Variants in TTC28 observed in about 807,000 individuals in gnomAD.
The protein encoded by TTC28 is tetratricopeptide repeat domain 28, also known as tetratricopeptide repeat protein 28.
In TTC28, 61 loss-of-function variants were observed where a neutral mutation model predicts 198.0. The ratio of observed to expected loss-of-function variants is 0.31; its 90% CI spans 0.25 to 0.38. The LOEUF (loss-of-function observed/expected upper bound fraction) is 0.38. Among genes scored for constraint, TTC28 ranks in the 10% least tolerant of loss-of-function variants. The pLI is 1.00. For synonymous variants in TTC28, 1,171 were observed against 1,297.8 expected (o/e 0.90, Z 2.10); for missense variants, 2,678 against 3,164.0 (o/e 0.85, Z 3.69).
At chr22:28,620,611 C>G (rs572434995) in intron 2 of TTC28, among the ~76,000 whole-genome samples, 1 of 152,246 alleles carries the variant, frequency 6.6e-6, no homozygotes, top group East Asian at 1.9e-4. Flanking sequence ...ATCCTGAAGA[C>G]AAAGCACAAC....
At chr22:28,570,838 G>A (rs1032991311) in intron 2 of TTC28, among the ~76,000 whole-genome samples, 85 of 152,192 alleles carry the variant, frequency 5.6e-4, no homozygotes, top group African/African-American at 1.8e-3. Context: ...TTGTTGCCTC[G>A]AAAGATCAAG....
chr22:28,196,295 G>C (rs1030747723), intron 5 of TTC28, among the ~76,000 whole-genome samples: 8 of 152,104 alleles, frequency 5.3e-5, no homozygotes, highest in African/African-American at 1.9e-4. Flanking sequence ...TTCAAGATGG[G>C]ATAAAAGACT....
At chr22:28,373,526 T>C (rs1182363868) in intron 2 of TTC28, among the ~76,000 whole-genome samples, 4 of 152,180 alleles carry the variant, frequency 2.6e-5, no homozygotes, top group Non-Finnish European at 4.4e-5. Flanking sequence ...ACTACCACTG[T>C]TCAACATATG....
intron 5 of TTC28, among the ~76,000 whole-genome samples, chr22:28,232,124 C>T (rs1307949899): frequency 6.6e-6 from 1 of 152,188 alleles, no homozygotes; most frequent in Non-Finnish European, 1.5e-5. Flanking sequence ...CCCACCCCTG[C>T]TGAGAGCCAT....
chr22:28,418,613 A>G (rs2047200508), intron 2 of TTC28, among the ~76,000 whole-genome samples: 1 of 152,182 alleles, frequency 6.6e-6, no homozygotes, highest in African/African-American at 2.4e-5. Context: ...TAGAACAGAC[A>G]AAAAAAGAGG....
intron 14 of TTC28, among the ~76,000 whole-genome samples, chr22:28,012,001 G>A (rs1046714644): frequency 6.6e-6 from 1 of 152,198 alleles, no homozygotes; most frequent in Admixed American, 6.5e-5. Flanking sequence ...GCCTCAGAAG[G>A]CCCAAGTGGG....
At chr22:28,190,699 A>G (rs1924649979) in intron 5 of TTC28, among the ~76,000 whole-genome samples, 1 of 152,204 alleles carries the variant, frequency 6.6e-6, no homozygotes, top group Non-Finnish European at 1.5e-5. Flanking sequence ...AAGCCACCTA[A>G]CTGAATAGTG....
At chr22:28,518,236 T>C (rs1051876720) in intron 2 of TTC28, among the ~76,000 whole-genome samples, 1 of 152,204 alleles carries the variant, frequency 6.6e-6, no homozygotes, top group Non-Finnish European at 1.5e-5. Flanking sequence ...TGCATGGGGT[T>C]TGGAGAACTG....
intron 6 of TTC28, among the ~76,000 whole-genome samples, chr22:28,157,294 A>G (rs1053526064): frequency 1.3e-5 from 2 of 152,226 alleles, no homozygotes; most frequent in African/African-American, 4.8e-5. Flanking sequence ...AAGCAATGAG[A>G]TTAAAGCTGT....
chr22:28,676,721 A>T (rs867152609), intron 1 of TTC28, among the ~76,000 whole-genome samples: 4 of 149,378 alleles, frequency 2.7e-5, no homozygotes, highest in Non-Finnish European at 5.9e-5. Flanking sequence ...TTTTATTAGA[A>T]ATAAAAAAAA....
intron 2 of TTC28, among the ~76,000 whole-genome samples, chr22:28,530,770 A>G (rs1380286881): frequency 3.3e-5 from 5 of 152,220 alleles, no homozygotes; most frequent in Admixed American, 6.5e-5. Context: ...TTCTTAAAGA[A>G]AAGAATTTTC....
At chr22:28,428,856 G>T (rs2047392426) in intron 2 of TTC28, among the ~76,000 whole-genome samples, 1 of 151,908 alleles carries the variant, frequency 6.6e-6, no homozygotes, top group Non-Finnish European at 1.5e-5. Context: ...TAGCCAGGAT[G>T]GTCTCGATCT....
chr22:28,170,433 G>A (rs1922549493), intron 5 of TTC28, among the ~76,000 whole-genome samples: 1 of 150,012 alleles, frequency 6.7e-6, no homozygotes, highest in African/African-American at 2.5e-5. Context: ...AGCTTGCAGT[G>A]AGCCAAGATC....
At chr22:28,276,032 T>C (rs1490234166) in intron 5 of TTC28, among the ~76,000 whole-genome samples, 1 of 151,964 alleles carries the variant, frequency 6.6e-6, no homozygotes, top group South Asian at 2.1e-4. Context: ...CTTTTTTTTT[T>C]AGAAAGGGCC....
In TTC28 at chr22:28,014,111, G is replaced by A. The variant is rs1021235501; in HGVS notation, c.4218+137C>T. The A allele has an allele frequency of 1.0e-5, 11 of 1,098,676 alleles. No individual in the cohort carries two copies. The African/African-American group carries it at 1.3e-4, about 13-fold the overall frequency. The allele number at this position is 1,098,676 out of a possible 1,614,324, so 68.1% of individuals were successfully genotyped here. A position where few individuals can be genotyped will look rare whatever the true frequency, so the allele number is the denominator to read the frequency against. Reference sequence around the variant, plus strand: ...CAAATGCTCACTGAGAAGCTGGACAGAGCGGACTTGTGTTCTGGAAAGCCT... The same window carrying A: ...CAAATGCTCACTGAGAAGCTGGACAAAGCGGACTTGTGTTCTGGAAAGCCT... On this transcript the variant is annotated intron_variant, in intron 14 of 22. Transcript: ENST00000397906.
intron 12 of TTC28, among the ~76,000 whole-genome samples, chr22:28,061,124 G>A (rs1326451513): frequency 1.3e-5 from 2 of 152,106 alleles, no homozygotes; most frequent in Non-Finnish European, 2.9e-5. Flanking sequence ...TTAGCCCTTT[G>A]TCAGATGGGT....
At chr22:28,241,290 C>T (rs974102247) in intron 5 of TTC28, among the ~76,000 whole-genome samples, 4 of 152,016 alleles carry the variant, frequency 2.6e-5, no homozygotes, top group African/African-American at 7.3e-5. Context: ...AAGGAATATT[C>T]TATAAAATAA....
intron 5 of TTC28, among the ~76,000 whole-genome samples, chr22:28,167,091 C>T (rs942684400): frequency 7.9e-5 from 12 of 152,082 alleles, no homozygotes; most frequent in African/African-American, 2.2e-4. Context: ...ATAAATTCCT[C>T]GACACATACA....
chr22:28,140,797 G>C (rs184747309), intron 6 of TTC28, among the ~76,000 whole-genome samples: 2 of 151,882 alleles, frequency 1.3e-5, no homozygotes, highest in East Asian at 3.9e-4. Context: ...CAGAAATGAC[G>C]TTTTTTTTCC....
Sources: allele counts gnomAD v4.1 joint callset (sites outside exome capture counted in the v4.1 genomes callset), GRCh38; gene constraint gnomAD v4.1.1; transcripts MANE v1.5; gene names NCBI Gene and HGNC (gene_info 2026-07-23, HGNC 2026-07-21).